CUL1: variants seen among roughly 807,000 people sequenced by gnomAD.
CUL1 encodes the protein cullin-1.
In CUL1, 24 loss-of-function variants were observed where a neutral mutation model predicts 118.0. The observed-to-expected ratio is 0.20, with a 90% CI of 0.15 to 0.29. The LOEUF is 0.29. Among genes scored for constraint, CUL1 ranks in the 10% least tolerant of loss-of-function variants. The pLI, the probability that CUL1 is intolerant of heterozygous loss-of-function variation, is 1.00. For missense variants in CUL1, 361 were observed against 933.8 expected (o/e 0.39, Z 7.99); for synonymous variants, 332 against 340.4 (o/e 0.98, Z 0.27).
In CUL1 at chr7:148,742,598, G is replaced by GTTTTTTTTTTTTTTTTTT. The variant is rs59592789; in HGVS notation, c.141-11377_141-11360dup. Among the ~76,000 whole-genome samples the GTTTTTTTTTTTTTTTTTT allele has an allele frequency of 2.9e-4, 33 of 112,166 alleles. 2 individuals are homozygous for GTTTTTTTTTTTTTTTTTT. Among genetic ancestry groups the GTTTTTTTTTTTTTTTTTT allele is most frequent in the Non-Finnish European group, 4.0e-4 (22 of 55,354 alleles). The allele number at this position is 112,166 out of a possible 152,430, so 73.6% of individuals were successfully genotyped here. A position where few individuals can be genotyped will look rare whatever the true frequency, so the allele number is the denominator to read the frequency against. ...TTCTTAAATCTTTCTACCTTTTCTG[G>GTTTTTTTTTTTTTTTTTT]TTTTTTTTTTTTTTTTTTGAGTTGG... On this transcript the variant is annotated intron_variant, in intron 2 of 21. Transcript: ENST00000325222.
At position 148,792,682 on chromosome 7, in the gene CUL1, A is replaced by G. The variant is rs73745382; in HGVS notation, c.1807-44A>G. 3.8e-3 allele frequency: 5,408 copies of G among 1,420,820 alleles called. 177 individuals are homozygous for G. The African/African-American group carries it at 0.067, about 18-fold the overall frequency. 88.0% of individuals were successfully genotyped at this position (1,420,820 alleles called of 1,614,324 possible). The stretch of plus-strand genomic sequence containing the variant: ...TATATTTTGGGAGGTGTTTCCATGC[A>G]TGTAAATTTTCCTTCTTTTTCTTTT... On this transcript the variant is annotated intron_variant, in intron 16 of 21. Coordinates refer to ENST00000325222, the MANE Select transcript of CUL1 (RefSeq NM_003592.3).
chr7:148,794,792 TCC>T (rs1192636762), intron 17 of CUL1, among the ~76,000 whole-genome samples: 1 of 152,210 alleles, frequency 6.6e-6, no homozygotes, highest in African/African-American at 2.4e-5. Flanking sequence ...TTCAATTTAT[TCC>T]TAGTTTATTC....
At chr7:148,711,183 C>T (rs1165056551) in intron 1 of CUL1, among the ~76,000 whole-genome samples, 3 of 152,196 alleles carry the variant, frequency 2.0e-5, no homozygotes, top group African/African-American at 7.2e-5. Flanking sequence ...CACTTCTGTG[C>T]ATATATGTTT....
chr7:148,771,143 A>AT (rs1800197103), intron 9 of CUL1, among the ~76,000 whole-genome samples: 1 of 152,174 alleles, frequency 6.6e-6, no homozygotes, highest in African/African-American at 2.4e-5. Flanking sequence ...GGACTAGAAC[A>AT]CTATATATGT....
Position 148,790,304 on chromosome 7 carries a change from A to G in CUL1, c.1675-6A>G, listed in dbSNP as rs1025577980. 1.9e-6 allele frequency: 3 copies of G among 1,613,908 alleles called. No individual in the cohort carries two copies. Among genetic ancestry groups the G allele is most frequent in the African/African-American group, 2.7e-5 (2 of 74,884 alleles). On this transcript the variant is annotated splice_polypyrimidine_tract_variant and splice_region_variant and intron_variant, in intron 15 of 21. Transcript: ENST00000325222. The stretch of plus-strand genomic sequence containing the variant: ...GTATTCCATATAATGCTGTCCTTTT[A>G]TCTAGTTGGAACGTAGTTATCAGCG...
intron 9 of CUL1, among the ~76,000 whole-genome samples, chr7:148,778,541 G>C (rs903380196): frequency 6.6e-6 from 1 of 152,194 alleles, no homozygotes; most frequent in Admixed American, 6.5e-5. Context: ...ATGCTAATGG[G>C]AAGAATGACA....
chr7:148,776,365 G>A (rs1343551600), intron 9 of CUL1, among the ~76,000 whole-genome samples: 1 of 112,082 alleles, frequency 8.9e-6, no homozygotes, highest in Non-Finnish European at 1.7e-5. Context: ...CACCCAGGCT[G>A]GAGTGCAGTG....
chr7:148,767,256 C>A (rs1800036111), intron 8 of CUL1, among the ~76,000 whole-genome samples: 1 of 151,682 alleles, frequency 6.6e-6, no homozygotes, highest in Non-Finnish European at 1.5e-5. Flanking sequence ...TATTTGAGTG[C>A]CTATTATGTG....
intron 2 of CUL1, among the ~76,000 whole-genome samples, chr7:148,739,573 T>C (rs1408354164): frequency 1.3e-5 from 2 of 152,214 alleles, no homozygotes; most frequent in Non-Finnish European, 2.9e-5. Flanking sequence ...TCCTGTTTTT[T>C]CCATTTTGGG....
chr7:148,739,486 G>A (rs896082699), intron 2 of CUL1, among the ~76,000 whole-genome samples: 5 of 152,158 alleles, frequency 3.3e-5, no homozygotes, highest in Non-Finnish European at 5.9e-5. Context: ...TGTAAACTTC[G>A]TGTCCGTTGA....
At chr7:148,729,784 C>T (rs1798697795) in intron 1 of CUL1, among the ~76,000 whole-genome samples, 178 bp from the exon 2 acceptor site, 1 of 152,184 alleles carries the variant, frequency 6.6e-6, no homozygotes, top group African/African-American at 2.4e-5. Flanking sequence ...TGATTTTGAA[C>T]TAAAATTCTA....
At chr7:148,770,416 A>C (rs1563164507) in intron 9 of CUL1, among the ~76,000 whole-genome samples, 1 of 152,220 alleles carries the variant, frequency 6.6e-6, no homozygotes, top group Non-Finnish European at 1.5e-5. Flanking sequence ...TACTGATTCT[A>C]GTTATTATTT....
intron 17 of CUL1, among the ~76,000 whole-genome samples, chr7:148,793,463 C>T (rs536550278): frequency 1.6e-4 from 24 of 152,144 alleles, no homozygotes; most frequent in Non-Finnish European, 2.5e-4. Context: ...AGTAACTGCC[C>T]GCTAGCTCCC....
intron 7 of CUL1, among the ~76,000 whole-genome samples, chr7:148,765,276 TTGAG>T (rs1454894124): frequency 6.6e-6 from 1 of 152,236 alleles, no homozygotes; most frequent in Admixed American, 6.5e-5. Flanking sequence ...TTCTTGGCTC[TTGAG>T]TATTGATTCA....
chr7:148,765,231 A>T (rs1799968319), intron 7 of CUL1, among the ~76,000 whole-genome samples: 1 of 152,244 alleles, frequency 6.6e-6, no homozygotes, highest in Admixed American at 6.5e-5. Flanking sequence ...TCTTGATAGT[A>T]CAAGTCCCGC....
At chr7:148,759,501 A>G in intron 5 of CUL1, 47 bp from the exon 6 acceptor site, 1 of 1,363,436 alleles carries the variant, frequency 7.3e-7, no homozygotes, top group African/African-American at 1.4e-5. Flanking sequence ...AGTAATATAT[A>G]TCATATTCTA....
chr7:148,729,135 A>G (rs1244436864), intron 1 of CUL1, among the ~76,000 whole-genome samples: 1 of 152,242 alleles, frequency 6.6e-6, no homozygotes, highest in Non-Finnish European at 1.5e-5. Context: ...TACTTTATTT[A>G]TGTGTCCAAG....
intron 17 of CUL1, among the ~76,000 whole-genome samples, chr7:148,795,427 C>G (rs1468214609): frequency 1.3e-5 from 2 of 152,054 alleles, no homozygotes; most frequent in Non-Finnish European, 2.9e-5. Context: ...AGCCACCATG[C>G]CAGCCTGTTC....
At chr7:148,721,446 T>C (rs1212627252) in intron 1 of CUL1, among the ~76,000 whole-genome samples, 1 of 152,132 alleles carries the variant, frequency 6.6e-6, no homozygotes, top group African/African-American at 2.4e-5. Flanking sequence ...AGTGTACCTG[T>C]CTCTCAGCTT....
Sources: allele counts gnomAD v4.1 joint callset (sites outside exome capture counted in the v4.1 genomes callset), GRCh38; gene constraint gnomAD v4.1.1; transcripts MANE v1.5; gene names NCBI Gene and HGNC (gene_info 2026-07-23, HGNC 2026-07-21).